Variants in PSD3 observed in about 807,000 individuals in gnomAD.
PSD3 encodes PH and SEC7 domain-containing protein 3.
PSD3 carries 49 observed loss-of-function variants against 105.5 expected under a neutral mutation model. That is an observed-to-expected ratio of 0.46 (90% confidence interval 0.37 to 0.59). The LOEUF is 0.59. PSD3 is among the 20% of genes least tolerant of loss of function. The pLI, the probability that PSD3 is intolerant of heterozygous loss-of-function variation, is 0.00. For missense variants in PSD3, 1,561 were observed against 1,263.8 expected (o/e 1.24, Z -3.57); for synonymous variants, 557 against 457.8 (o/e 1.22, Z -2.77).
At position 18,718,551 on chromosome 8, in the gene PSD3, G is replaced by A. The variant is rs79958664; in HGVS notation, c.2172+46898C>T. On this transcript the variant is annotated intron_variant, in intron 9 of 15. Coordinates refer to ENST00000327040, the MANE Select transcript of PSD3 (RefSeq NM_015310.4). The stretch of plus-strand genomic sequence containing the variant: ...ACTGATGCATTTTTAAAACTTTACA[G>A]ATTTGCTAAAACAAATGTTTAATAC... 5.9e-3 allele frequency among the ~76,000 whole-genome samples: 895 copies of A among 152,300 alleles called. 10 individuals carry two copies. The highest frequency in any genetic ancestry group is 0.02 in the African/African-American group (814 of 41,554).
At chr8:18,628,280 T>C (rs1277724169) in intron 11 of PSD3, among the ~76,000 whole-genome samples, 1 of 151,724 alleles carries the variant, frequency 6.6e-6, no homozygotes, top group South Asian at 2.1e-4. Flanking sequence ...CACTAAGGCA[T>C]CACATAATAA....
intron 14 of PSD3, among the ~76,000 whole-genome samples, chr8:18,566,033 G>C (rs187155572): frequency 2.0e-5 from 3 of 152,098 alleles, no homozygotes; most frequent in African/African-American, 7.2e-5. Flanking sequence ...TTGAGGTACT[G>C]GAGGAATCCT....
At chr8:18,963,189 A>G (rs1824028484) in intron 1 of PSD3, among the ~76,000 whole-genome samples, 1 of 151,984 alleles carries the variant, frequency 6.6e-6, no homozygotes, top group Non-Finnish European at 1.5e-5. Context: ...GTATGGGGGA[A>G]CCGCCCCCAT....
At chr8:18,886,471 C>T (rs1264977504) in intron 2 of PSD3, among the ~76,000 whole-genome samples, 3 of 152,122 alleles carry the variant, frequency 2.0e-5, no homozygotes. Context: ...GGGTCTCCTA[C>T]TGGGACGCTC....
chr8:18,578,658 C>T (rs747100253), intron 12 of PSD3, among the ~76,000 whole-genome samples: 8 of 151,590 alleles, frequency 5.3e-5, no homozygotes, highest in East Asian at 1.9e-4. Flanking sequence ...AAATATTCTT[C>T]GAGTATATTA....
At position 18,866,847 on chromosome 8, in the gene PSD3, A is replaced by T. The variant is rs539523835; in HGVS notation, c.1634+827T>A. Among the ~76,000 whole-genome samples, 4 of 150,562 alleles carry T rather than the reference A, an allele frequency of 2.7e-5. No homozygotes were observed. In the East Asian group the frequency reaches 8.0e-4, roughly 30 times the overall value. ...GCTTTAAACAGCTTTAAAATAGTTG[A>T]TCACCATTTAACACCTCCCACCAGC... On this transcript the variant is annotated intron_variant, in intron 4 of 15. Coordinates refer to ENST00000327040, the MANE Select transcript of PSD3 (RefSeq NM_015310.4).
chr8:18,811,569 T>G (rs1401506875), intron 4 of PSD3, among the ~76,000 whole-genome samples: 1 of 152,100 alleles, frequency 6.6e-6, no homozygotes, highest in Non-Finnish European at 1.5e-5. Context: ...AATTTGGGGA[T>G]GAGGGTGGAA....
At chr8:18,857,053 G>A (rs1816068339) in intron 4 of PSD3, among the ~76,000 whole-genome samples, 1 of 152,182 alleles carries the variant, frequency 6.6e-6, no homozygotes, top group African/African-American at 2.4e-5. Context: ...GATATAGTTT[G>A]GAGGGACTCC....
intron 2 of PSD3, among the ~76,000 whole-genome samples, chr8:18,912,751 G>T (rs534781327): frequency 1.3e-5 from 2 of 152,186 alleles, no homozygotes; most frequent in African/African-American, 4.8e-5. Context: ...AGTGAACAGT[G>T]ACAGGTGGGA....
intron 1 of PSD3, among the ~76,000 whole-genome samples, chr8:18,937,049 A>C (rs1822186330): frequency 6.6e-6 from 1 of 152,198 alleles, no homozygotes; most frequent in African/African-American, 2.4e-5. Context: ...CTTATTTGAA[A>C]CAAGAACTAC....
chr8:19,014,439 G>A (rs1027258908), upstream of PSD3: 2 of 152,288 alleles, frequency 1.3e-5, no homozygotes, highest in Non-Finnish European at 2.9e-5. This position sits in a 1 kb window ranked among gnomAD's most constrained non-coding sequence, Gnocchi z 4.9. Flanking sequence ...GAACATTAGT[G>A]CCCCGGACCC....
At chr8:18,701,931 T>C (rs1801606944) in intron 9 of PSD3, among the ~76,000 whole-genome samples, 1 of 152,198 alleles carries the variant, frequency 6.6e-6, no homozygotes, top group Non-Finnish European at 1.5e-5. Flanking sequence ...CACAGGACCA[T>C]TTACGGCTCT....
At chr8:18,698,938 G>C (rs998566132) in intron 9 of PSD3, among the ~76,000 whole-genome samples, 1 of 152,302 alleles carries the variant, frequency 6.6e-6, no homozygotes, top group South Asian at 2.1e-4. Flanking sequence ...ATTAATGAGA[G>C]ATAGTAAATC....
intron 10 of PSD3, among the ~76,000 whole-genome samples, chr8:18,637,740 G>A (rs758259220): frequency 6.6e-6 from 1 of 151,834 alleles, no homozygotes; most frequent in African/African-American, 2.4e-5. Context: ...AAAACTATTT[G>A]TATCTACAAC....
chr8:18,805,473 A>T (rs941509643), intron 4 of PSD3, among the ~76,000 whole-genome samples: 2 of 152,220 alleles, frequency 1.3e-5, no homozygotes, highest in East Asian at 3.8e-4. Context: ...AAATATTTTA[A>T]TATCCTTTTC....
At chr8:18,664,543 T>C (rs1809577590) in intron 9 of PSD3, among the ~76,000 whole-genome samples, 1 of 152,334 alleles carries the variant, frequency 6.6e-6, no homozygotes, top group South Asian at 2.1e-4. Flanking sequence ...AAGCAGACCC[T>C]GTAATATAAA....
chr8:18,706,755 T>C (rs987129591), intron 9 of PSD3, among the ~76,000 whole-genome samples: 3 of 152,232 alleles, frequency 2.0e-5, no homozygotes, highest in African/African-American at 4.8e-5. Context: ...CTAAGCTTCA[T>C]GACATTAAAC....
At chr8:19,076,113 C>T (rs1047906814) in intron 1 of PSD3, among the ~76,000 whole-genome samples, 4 of 125,676 alleles carry the variant, frequency 3.2e-5, no homozygotes, top group African/African-American at 1.1e-4. Flanking sequence ...AATAAAAATA[C>T]GGTGGAAGGG....
intron 8 of PSD3, among the ~76,000 whole-genome samples, chr8:18,772,829 CA>C (rs879195711): frequency 1.3e-5 from 2 of 152,224 alleles, no homozygotes; most frequent in Admixed American, 1.3e-4. Context: ...ATTTCTAGAC[CA>C]TCTTTGGATA....
Sources: gnomAD v4.1 joint callset for allele counts (sites outside exome capture counted in the v4.1 genomes callset) on GRCh38, gnomAD v4.1.1 for gene constraint, Gnocchi (gnomAD v3.1) non-coding constraint, MANE v1.5 for transcripts, NCBI Gene and HGNC (gene_info 2026-07-23, HGNC 2026-07-21) for gene names.